The following ARAP2 variants were observed in gnomAD, a reference collection of about 807,000 sequenced individuals.
ARAP2 encodes the protein ArfGAP with RhoGAP domain, ankyrin repeat and PH domain 2.
ARAP2 carries 148 observed loss-of-function variants against 194.5 expected under a neutral mutation model. The observed-to-expected ratio is 0.76, with a 90% confidence interval of 0.67 to 0.87. ARAP2 has a LOEUF of 0.87. Among genes scored for constraint, ARAP2 ranks in the 40% least tolerant of loss-of-function variants. The pLI is 0.00. For missense variants in ARAP2, 2,128 were observed against 1,989.7 expected, an observed-to-expected ratio of 1.07 and a Z score of -1.32; for synonymous variants, 695 against 683.5, an observed-to-expected ratio of 1.02 and a Z score of -0.26.
intron 5 of ARAP2, among the ~76,000 whole-genome samples, chr4:36,024,587 A>T (rs372795330): frequency 4.6e-5 from 7 of 152,158 alleles, no homozygotes; most frequent in Non-Finnish European, 8.8e-5. Context: ...ATCCAGTTGT[A>T]CTAGCACCAA....
intron 24 of ARAP2, among the ~76,000 whole-genome samples, chr4:36,119,059 C>A (rs1050414785): frequency 5.3e-5 from 8 of 151,324 alleles, no homozygotes; most frequent in Non-Finnish European, 8.9e-5. Flanking sequence ...TAATCATCAA[C>A]CTTAAGAAAT....
At chr4:36,103,247 T>A (rs1425987219) in intron 27 of ARAP2, among the ~76,000 whole-genome samples, 2 of 151,754 alleles carry the variant, frequency 1.3e-5, no homozygotes, top group Non-Finnish European at 2.9e-5. Flanking sequence ...GCATTTGAGT[T>A]ACATCTTATA....
intron 7 of ARAP2, among the ~76,000 whole-genome samples, chr4:36,189,589 T>C (rs1741402549): frequency 6.6e-6 from 1 of 152,138 alleles, no homozygotes; most frequent in Admixed American, 6.6e-5. Context: ...GCCTCTACTA[T>C]CCTCTGTACT....
chr4:36,067,871 T>A lies in ARAP2; in HGVS notation c.*36A>T. On this transcript the variant is annotated 3_prime_UTR_variant, in exon 33 of 33. Coordinates refer to ENST00000303965, the MANE Select transcript of ARAP2 (RefSeq NM_015230.4). ...TACACATAAAGATTGCATACAATAT[T>A]AAAAAAATAATCTGGGGAGCAATTC... 6.5e-7 allele frequency: 1 copy of A among 1,528,806 alleles called. No homozygotes were observed. Among genetic ancestry groups the A allele is most frequent in the Non-Finnish European group, 8.8e-7 (1 of 1,138,646 alleles). The allele number at this position is 1,528,806 out of a possible 1,614,324, so 94.7% of individuals were successfully genotyped here. A position where few individuals can be genotyped will look rare whatever the true frequency, so the allele number is the denominator to read the frequency against.
intron 11 of ARAP2, 76 bp from the exon 12 acceptor site, chr4:36,161,626 C>T: frequency 8.2e-7 from 1 of 1,216,972 alleles, no homozygotes; most frequent in Non-Finnish European, 1.2e-6. Context: ...AAAGAAAGTG[C>T]ATATGTCTGT....
intron 13 of ARAP2, among the ~76,000 whole-genome samples, chr4:36,159,941 T>C (rs1403824846): frequency 2.6e-5 from 4 of 152,202 alleles, no homozygotes; most frequent in Admixed American, 2.0e-4. Flanking sequence ...TTAAGTGCTA[T>C]GGGAAATTGA....
chr4:36,052,429 C>A (rs908711484), intron 2 of ARAP2, among the ~76,000 whole-genome samples: 11 of 152,090 alleles, frequency 7.2e-5, no homozygotes, highest in Non-Finnish European at 5.9e-5. Context: ...TGCAGGAAAC[C>A]GCTTTCAGTA....
Position 36,187,584 on chromosome 4 carries a change from GA to G in ARAP2, c.1558-14del, listed in dbSNP as rs753064092. On this transcript the variant is annotated splice_polypyrimidine_tract_variant and intron_variant, in intron 7 of 32. Coordinates refer to ENST00000303965, the MANE Select transcript of ARAP2 (RefSeq NM_015230.4). ...TCGAATACATCTCCTGTATTGGTTAGAAAAAAAGAGAAGACATATGAAAACG... is the reference window on the plus strand; with the variant it reads ...TCGAATACATCTCCTGTATTGGTTAGAAAAAAGAGAAGACATATGAAAACG... 8.6e-6 allele frequency: 13 copies of G among 1,520,242 alleles called. 1 individual carries two copies. The highest frequency in any genetic ancestry group is 8.3e-5 in the South Asian group (6 of 72,544). The allele number at this position is 1,520,242 out of a possible 1,614,324, so 94.2% of individuals were successfully genotyped here.
intron 21 of ARAP2, among the ~76,000 whole-genome samples, chr4:36,126,452 A>T (rs778236456): frequency 6.6e-6 from 1 of 152,026 alleles, no homozygotes; most frequent in African/African-American, 2.4e-5. Context: ...GAAACATATA[A>T]GTTAACAGTC....
intron 6 of ARAP2, among the ~76,000 whole-genome samples, chr4:36,208,984 T>C (rs1008831079): frequency 5.3e-5 from 8 of 152,150 alleles, no homozygotes; most frequent in African/African-American, 1.9e-4. Flanking sequence ...ACAGAATATA[T>C]TGTAACTGTC....
At chr4:36,077,253 T>G (rs1475209190) in intron 31 of ARAP2, among the ~76,000 whole-genome samples, 2 of 152,082 alleles carry the variant, frequency 1.3e-5, no homozygotes, top group Non-Finnish European at 2.9e-5. Flanking sequence ...TGACCAGACT[T>G]ACCCATACAC....
intron 31 of ARAP2, among the ~76,000 whole-genome samples, chr4:36,075,420 G>A (rs779855434): frequency 6.6e-5 from 10 of 152,006 alleles, no homozygotes; most frequent in South Asian, 4.1e-4. Flanking sequence ...CATACAGCAC[G>A]GATCATATAG....
intron 32 of ARAP2, 148 bp from the exon 33 acceptor site, chr4:36,068,426 T>C (rs1388716526): frequency 4.8e-6 from 4 of 839,998 alleles, no homozygotes; most frequent in Admixed American, 3.6e-5. Flanking sequence ...ACAAGTGGCA[T>C]GTCTGAATTT....
intron 19 of ARAP2, among the ~76,000 whole-genome samples, chr4:36,134,944 C>T (rs1461958546): frequency 6.6e-6 from 1 of 151,730 alleles, no homozygotes; most frequent in Non-Finnish European, 1.5e-5. Flanking sequence ...ATATCACCTT[C>T]TGTAGCTATC....
chr4:36,221,135 C>T (rs1262151329), intron 2 of ARAP2, among the ~76,000 whole-genome samples: 3 of 152,018 alleles, frequency 2.0e-5, no homozygotes, highest in Non-Finnish European at 2.9e-5. Flanking sequence ...CAGTTCAGTA[C>T]AGTAATATGC....
Position 36,229,353 on chromosome 4 carries a change from A to C in ARAP2, c.134T>G (p.Leu45Arg), listed in dbSNP as rs764465522. 1 of 1,614,118 alleles carries C rather than the reference A, an allele frequency of 6.2e-7. No homozygotes were observed. Among genetic ancestry groups the C allele is most frequent in the Non-Finnish European group, 8.5e-7 (1 of 1,179,988 alleles). The change falls in exon 2 of 33, where the codon CTG (leucine) becomes CGG (arginine). Residue 45 changes from leucine to arginine, a missense_variant. Coordinates refer to ENST00000303965, the MANE Select transcript of ARAP2 (RefSeq NM_015230.4). Reference protein sequence around the residue: ...VKDCAAINDSLLQKIGISPTG... With the variant: ...VKDCAAINDSRLQKIGISPTG... ...AGGTGATATTCCAATTTTCTGCAGC[A>C]GGCTGTCATTTATTGCTGCACAGTC...
intron 23 of ARAP2, among the ~76,000 whole-genome samples, chr4:36,120,737 C>T (rs571578575): frequency 2.0e-5 from 3 of 151,548 alleles, no homozygotes; most frequent in East Asian, 3.9e-4. Context: ...TAGTAAAACA[C>T]CATAGAATAA....
intron 19 of ARAP2, among the ~76,000 whole-genome samples, chr4:36,137,660 T>C (rs190960792): frequency 1.3e-5 from 2 of 151,778 alleles, no homozygotes; most frequent in Admixed American, 1.3e-4. Flanking sequence ...TTTCCATATA[T>C]GACTAGGAAA....
chr4:36,143,342 G>T (rs535236581), intron 19 of ARAP2, among the ~76,000 whole-genome samples: 1 of 151,552 alleles, frequency 6.6e-6, no homozygotes, highest in East Asian at 1.9e-4. Context: ...TCTAATAAAT[G>T]CTTCAATTTT....
Sources: gnomAD v4.1 joint callset for allele counts (sites outside exome capture counted in the v4.1 genomes callset) on GRCh38, gnomAD v4.1.1 for gene constraint, MANE v1.5 for transcripts, NCBI Gene and HGNC (gene_info 2026-07-23, HGNC 2026-07-21) for gene names.